The following NNT variants were observed in gnomAD, a reference collection of about 807,000 sequenced individuals.
NNT encodes the protein nicotinamide nucleotide transhydrogenase.
Under a neutral mutation model 104.8 loss-of-function variants are expected in NNT, and 50 were observed. That is an observed-to-expected ratio of 0.48 (90% CI 0.38 to 0.60). NNT has a LOEUF of 0.60. Among genes scored for constraint, NNT ranks in the 20% least tolerant of loss-of-function variants. The pLI is 0.00. For synonymous variants in NNT, 461 were observed against 490.4 expected (o/e 0.94, Z 0.79); for missense variants, 1,131 against 1,330.7 (o/e 0.85, Z 2.33).
chr5:43,617,979 C>A (rs934202309), intron 4 of NNT, among the ~76,000 whole-genome samples: 1 of 152,056 alleles, frequency 6.6e-6, no homozygotes, highest in African/African-American at 2.4e-5. Flanking sequence ...TTTCTTGTCA[C>A]CTAGCAGGGG....
rs537012088 is a variant in NNT, at chr5:43,701,545, G to C, written c.2996-1076G>C. Among the ~76,000 whole-genome samples, 9 of 152,232 alleles carry C rather than the reference G, an allele frequency of 5.9e-5. No homozygotes were observed. In the East Asian group the frequency reaches 1.7e-3, roughly 29 times the overall value. On this transcript the variant is annotated intron_variant, in intron 20 of 21. Transcript: ENST00000344920. ...TTGTGAATAGTGCTGTGATGAACATGCTAGTGAATGTGTCTTTGGTAGAAA... is the reference window on the plus strand; with the variant it reads ...TTGTGAATAGTGCTGTGATGAACATCCTAGTGAATGTGTCTTTGGTAGAAA...
rs201063643 is a variant in NNT at position 43,644,662 on chromosome 5, G to T, written c.1150G>T (p.Ala384Ser). Residue 384 changes from alanine (A) to serine (S), a missense_variant, in exon 9 of 22, where the codon GCC becomes TCC. By Grantham distance (99) the Ala-to-Ser change is moderately conservative. Coordinates refer to ENST00000344920, the MANE Select transcript of NNT (RefSeq NM_182977.3). ...TDLPSRMATQ[A>S]STLYSNNITK... Reference sequence around the variant, plus strand: ...CCTGCCCAGCCGAATGGCCACTCAGGCCAGCACCCTATATTCCAACAACAT... The same window carrying T: ...CCTGCCCAGCCGAATGGCCACTCAGTCCAGCACCCTATATTCCAACAACAT... The T allele has an allele frequency of 3.1e-6, 5 of 1,614,028 alleles. No individual in the cohort carries two copies. Among genetic ancestry groups the T allele is most frequent in the Non-Finnish European group, 1.7e-6 (2 of 1,180,034 alleles).
At chr5:43,638,889 T>C in intron 7 of NNT, among the ~76,000 whole-genome samples, 1 of 151,988 alleles carries the variant, frequency 6.6e-6, no homozygotes, top group East Asian at 1.9e-4. Context: ...TTCTTTTTGG[T>C]ATGATTAGAG....
intron 1 of NNT, among the ~76,000 whole-genome samples, chr5:43,604,514 G>A (rs1054698700): frequency 6.6e-6 from 1 of 152,138 alleles, no homozygotes; most frequent in Non-Finnish European, 1.5e-5. Context: ...TGGAAAATGT[G>A]CTCAATAGGT....
At chr5:43,700,050 G>A in intron 19 of NNT, 69 bp from the exon 20 acceptor site, 1 of 1,159,814 alleles carries the variant, frequency 8.6e-7, no homozygotes, top group Non-Finnish European at 1.3e-6. Flanking sequence ...AGATTTGGAG[G>A]TGATATTGGG....
intron 20 of NNT, among the ~76,000 whole-genome samples, chr5:43,702,059 T>G (rs1346352186): frequency 4.6e-5 from 7 of 152,196 alleles, no homozygotes; most frequent in Admixed American, 4.6e-4. Flanking sequence ...ATTCTGTAGC[T>G]TGTCTGTTTA....
chr5:43,630,098 C>G (rs1022549089), intron 7 of NNT, among the ~76,000 whole-genome samples: 1 of 152,016 alleles, frequency 6.6e-6, no homozygotes, highest in African/African-American at 2.4e-5. Flanking sequence ...GAATTTTTAT[C>G]GTTTCAGGTC....
At chr5:43,677,884 G>A (rs902606449) in intron 19 of NNT, 78 bp downstream of exon 19, 20 of 1,159,020 alleles carry the variant, frequency 1.7e-5, no homozygotes, top group Non-Finnish European at 2.6e-5. Flanking sequence ...GTGGACCCTT[G>A]AACAATGTAG....
intron 17 of NNT, among the ~76,000 whole-genome samples, chr5:43,665,861 CCAT>C (rs1275325254): frequency 6.6e-6 from 1 of 151,168 alleles, no homozygotes; most frequent in African/African-American, 2.4e-5. Flanking sequence ...GGGCTGCCCC[CCAT>C]CTCCTGGACG....
chr5:43,603,702 A>G (rs1326657540), intron 1 of NNT, among the ~76,000 whole-genome samples: 1 of 151,822 alleles, frequency 6.6e-6, no homozygotes, highest in Admixed American at 6.6e-5. Context: ...GTGGAGAGGG[A>G]GGTCATAGAG....
chr5:43,611,599 G>A (rs1004550183), intron 2 of NNT, among the ~76,000 whole-genome samples: 19 of 152,208 alleles, frequency 1.2e-4, no homozygotes, highest in African/African-American at 4.6e-4. Context: ...TGCCTTTCGT[G>A]TACTGTAAAT....
In NNT at chr5:43,673,673, T is replaced by A. The variant is rs554644038; in HGVS notation, c.2635-1838T>A. Reference sequence around the variant, plus strand: ...ACGTTGGTTTTAAATATGGGAGGAATGTGTTAGGAATTTAAAACACCATGT... The same window carrying A: ...ACGTTGGTTTTAAATATGGGAGGAAAGTGTTAGGAATTTAAAACACCATGT... On this transcript the variant is annotated intron_variant, in intron 17 of 21. Coordinates refer to ENST00000344920, the MANE Select transcript of NNT (RefSeq NM_182977.3). Among the ~76,000 whole-genome samples the A allele has an allele frequency of 9.8e-5, 15 of 152,312 alleles. No individual in the cohort carries two copies. In the South Asian group the frequency reaches 2.5e-3, roughly 25 times the overall value.
intron 3 of NNT, chr5:43,613,402 C>G: frequency 2.7e-6 from 1 of 367,042 alleles, no homozygotes; most frequent in Non-Finnish European, 5.0e-6. Flanking sequence ...TTTTAATTGG[C>G]TAGGAAAAAT....
In NNT at chr5:43,651,790, A is replaced by AC; in HGVS notation, c.1775dup (p.Glu593ArgfsTer26). 6.2e-7 allele frequency: 1 copy of AC among 1,613,404 alleles called. No individual in the cohort carries two copies. The highest frequency in any genetic ancestry group is 8.5e-7 in the Non-Finnish European group (1 of 1,179,868). ...CTGGACATGTTCAAGCGTCCCACTGACCCCCCAGAATACAACTACCTGTAC... is the reference window on the plus strand; with the variant it reads ...CTGGACATGTTCAAGCGTCCCACTGACCCCCCCAGAATACAACTACCTGTAC... On this transcript the variant is annotated frameshift_variant, in exon 13 of 22. Transcript: ENST00000344920. LOFTEE classifies it high-confidence loss of function.
At chr5:43,649,376 C>A in intron 11 of NNT, 68 bp downstream of exon 11, 1 of 1,536,940 alleles carries the variant, frequency 6.5e-7, no homozygotes, top group South Asian at 1.2e-5. Flanking sequence ...GGAGGACTAT[C>A]AATGCCGTTT....
rs201015783 is a variant in NNT, at chr5:43,651,842, T to C, written c.1821T>C (p.Gly607=). The change falls in exon 13 of 22, where the codon GGT becomes GGC. Residue 607 remains glycine, a synonymous_variant. Coordinates refer to ENST00000344920, the MANE Select transcript of NNT (RefSeq NM_182977.3). ...LYLLPAGTFV[G]GYLAALYSGY... is the part of the protein sequence containing the mutation. The stretch of plus-strand genomic sequence containing the variant: ...TGCTCCCTGCCGGCACCTTTGTTGG[T>C]GGATATTTAGCTGCCCTCTACAGTG... 71 of 1,614,184 alleles carry C rather than the reference T, an allele frequency of 4.4e-5. 1 individual carries two copies. Among genetic ancestry groups the C allele is most frequent in the East Asian group, 4.0e-4 (18 of 44,882 alleles).
Position 43,619,073 on chromosome 5 carries a change from T to A in NNT, c.641T>A (p.Phe214Tyr). Residue 214 changes from phenylalanine to tyrosine, a missense_variant, in exon 5 of 22, where the codon TTT becomes TAT. Physicochemically the swap from Phe to Tyr is conservative, Grantham distance 22. Coordinates refer to ENST00000344920, the MANE Select transcript of NNT (RefSeq NM_182977.3). ...CTAGCAGCAAATCATTTTGGACGTT[T>A]TTTTACTGGTCAGATCACAGCTGCT... The part of the protein sequence containing the change: ...VVLAANHFGR[F>Y]FTGQITAAGK... 6.4e-7 allele frequency: 1 copy of A among 1,557,698 alleles called. No homozygotes were observed. Among genetic ancestry groups the A allele is most frequent in the Non-Finnish European group, 8.7e-7 (1 of 1,150,228 alleles).
At chr5:43,628,153 ATT>A (rs1750464778) in intron 6 of NNT, 45 bp from the exon 7 acceptor site, 12 of 1,395,954 alleles carry the variant, frequency 8.6e-6, no homozygotes, top group Admixed American at 5.1e-5. Context: ...TGACTTCTTT[ATT>A]AGGGCCTGAA....
At chr5:43,643,534 C>T (rs555903670) in intron 7 of NNT, among the ~76,000 whole-genome samples, 1 of 152,278 alleles carries the variant, frequency 6.6e-6, no homozygotes, top group South Asian at 2.1e-4. Context: ...ATAGATAGGG[C>T]TTGACTCACT....
Sources: gnomAD v4.1 joint callset for allele counts (sites outside exome capture counted in the v4.1 genomes callset) on GRCh38, gnomAD v4.1.1 for gene constraint, MANE v1.5 for transcripts, NCBI Gene and HGNC (gene_info 2026-07-23, HGNC 2026-07-21) for gene names.